The following PATJ variants were observed in gnomAD, a reference collection of about 807,000 sequenced individuals.
The protein encoded by PATJ is PATJ crumbs cell polarity complex component, also known as inaD-like protein.
Under a neutral mutation model 224.9 loss-of-function variants are expected in PATJ, and 190 were observed. The observed-to-expected ratio is 0.84, with a 90% confidence interval of 0.75 to 0.95. PATJ has a LOEUF of 0.95. Ranked by LOEUF, PATJ falls within the 40% of genes least tolerant of loss-of-function variation. The probability of loss-of-function intolerance (pLI) is 0.00; values close to 1 mark genes in which losing one functional copy is unlikely to be tolerated. For missense variants in PATJ, 2,121 were observed against 2,270.3 expected (o/e 0.93, Z 1.34); for synonymous variants, 769 against 820.3 (o/e 0.94, Z 1.07).
intron 28 of PATJ, among the ~76,000 whole-genome samples, chr1:62,011,132 G>A (rs66472440): frequency 0.16 from 24,324 of 152,150 alleles, 2,189 homozygotes; most frequent in Non-Finnish European, 0.21. Flanking sequence ...CAATTAGGCC[G>A]TTTCGCTTTC....
At chr1:62,067,464 C>A (rs1300386143) in intron 31 of PATJ, among the ~76,000 whole-genome samples, 1 of 152,042 alleles carries the variant, frequency 6.6e-6, no homozygotes, top group South Asian at 2.1e-4. Flanking sequence ...ATTACTCTTA[C>A]AAAAGGAGCT....
At chr1:62,129,081 AATT>A (rs148239657) in intron 41 of PATJ, 136 bp downstream of exon 41, 7,497 of 519,750 alleles carry the variant, frequency 0.014, 90 homozygotes, top group Non-Finnish European at 0.021. Flanking sequence ...GAAAGCAAGA[AATT>A]ATTATTTTTA....
chr1:62,065,026 A>G (rs1656174448), intron 31 of PATJ, among the ~76,000 whole-genome samples: 1 of 152,184 alleles, frequency 6.6e-6, no homozygotes, highest in African/African-American at 2.4e-5. Flanking sequence ...GCATTCAAAT[A>G]TGTGGCATTT....
chr1:61,806,447 G>A (rs1299402977), intron 13 of PATJ, among the ~76,000 whole-genome samples: 1 of 151,534 alleles, frequency 6.6e-6, no homozygotes, highest in Non-Finnish European at 1.5e-5. Flanking sequence ...GTGAAACCTC[G>A]TCTCTACTAA....
intron 28 of PATJ, among the ~76,000 whole-genome samples, chr1:62,005,072 G>GT (rs111297460): frequency 0.038 from 5,770 of 151,566 alleles, 288 homozygotes; most frequent in African/African-American, 0.11. Context: ...TTAATACGTA[G>GT]TTTTTTTCAC....
intron 20 of PATJ, among the ~76,000 whole-genome samples, chr1:61,864,882 T>C (rs1175766419): frequency 2.0e-5 from 3 of 152,208 alleles, no homozygotes; most frequent in Non-Finnish European, 4.4e-5. Context: ...TTTGCTTTGC[T>C]TTTTTAGTGA....
rs758466574 is a variant in PATJ, at chr1:62,160,967, CG to C, written c.5563del (p.Glu1855ArgfsTer15). ...RGDQILAVNG[E>X]TLEGVTHEQA... Reference sequence around the variant, plus strand: ...GGGATCAGATTTTAGCTGTTAATGGCGAGACCCTGGAAGGTGTTACTCATGA... The same window carrying C: ...GGGATCAGATTTTAGCTGTTAATGGCAGACCCTGGAAGGTGTTACTCATGA... On this transcript the variant is annotated frameshift_variant, in exon 44 of 44. Coordinates refer to ENST00000642238, the MANE Select transcript of PATJ (RefSeq NM_001350145.3). LOFTEE classifies it high-confidence loss of function. The C allele has an allele frequency of 6.2e-7, 1 of 1,613,558 alleles. No homozygotes were observed. Among genetic ancestry groups the C allele is most frequent in the Non-Finnish European group, 8.5e-7 (1 of 1,179,820 alleles).
At chr1:62,013,386 A>C (rs1646567016) in intron 28 of PATJ, 3 of 985,228 alleles carry the variant, frequency 3.0e-6, no homozygotes, top group Admixed American at 6.2e-5. Context: ...GCCTACTCGC[A>C]GTTGATTAAG....
At chr1:61,743,575 G>A (rs986211139) in intron 1 of PATJ, among the ~76,000 whole-genome samples, 9 of 152,206 alleles carry the variant, frequency 5.9e-5, no homozygotes, top group Non-Finnish European at 1.2e-4. Flanking sequence ...CACTGAGGAT[G>A]ATACTACCAC....
chr1:62,144,201 C>A (rs910325622), intron 41 of PATJ, among the ~76,000 whole-genome samples: 3 of 152,154 alleles, frequency 2.0e-5, no homozygotes, highest in African/African-American at 7.2e-5. Flanking sequence ...GATTCTATAA[C>A]TTGGACATAG....
At chr1:62,102,620 A>T (rs986347054) in intron 33 of PATJ, among the ~76,000 whole-genome samples, 2 of 152,100 alleles carry the variant, frequency 1.3e-5, no homozygotes, top group African/African-American at 4.8e-5. Context: ...TGGGAGGCTG[A>T]GGTGAGAGGA....
At chr1:61,950,975 C>T (rs1393315917) in intron 27 of PATJ, among the ~76,000 whole-genome samples, 2 of 152,126 alleles carry the variant, frequency 1.3e-5, no homozygotes, top group East Asian at 3.9e-4. Flanking sequence ...GGTGAAACCC[C>T]ATCTCTACTA....
At chr1:61,869,000 A>G (rs1257968087) in intron 20 of PATJ, among the ~76,000 whole-genome samples, 1 of 152,040 alleles carries the variant, frequency 6.6e-6, no homozygotes, top group Non-Finnish European at 1.5e-5. Flanking sequence ...CATACGTAAC[A>G]TGGGGAAAGG....
chr1:62,030,694 G>A (rs1388485338), intron 29 of PATJ, among the ~76,000 whole-genome samples: 1 of 152,116 alleles, frequency 6.6e-6, no homozygotes, highest in African/African-American at 2.4e-5. Flanking sequence ...CTTCTCCCAA[G>A]AGCCACCTGC....
rs546565382 is a variant in PATJ, at chr1:61,777,588, T to G, written c.849+2254T>G. On this transcript the variant is annotated intron_variant, in intron 7 of 43. Transcript: ENST00000642238. ...AGGCATTTCTGATTAGATTGTTGAT[T>G]GATATTAACCAATATGATTGTCTTG... 7.9e-5 allele frequency among the ~76,000 whole-genome samples: 12 copies of G among 152,204 alleles called. No homozygotes were observed. In the South Asian group the frequency reaches 2.5e-3, roughly 32 times the overall value.
intron 27 of PATJ, among the ~76,000 whole-genome samples, chr1:61,950,547 C>T (rs1384858000): frequency 6.6e-6 from 1 of 152,100 alleles, no homozygotes; most frequent in Non-Finnish European, 1.5e-5. Flanking sequence ...TTTTTTGTAT[C>T]GTTGTGGACT....
intron 7 of PATJ, among the ~76,000 whole-genome samples, chr1:61,783,832 C>T (rs1254338501): frequency 6.8e-6 from 1 of 148,070 alleles, no homozygotes; most frequent in Non-Finnish European, 1.5e-5. Context: ...ACTGCATCCT[C>T]CACCTCCCAG....
chr1:61,816,848 A>G (rs1404873379), intron 14 of PATJ, among the ~76,000 whole-genome samples: 2 of 152,216 alleles, frequency 1.3e-5, no homozygotes, highest in South Asian at 2.1e-4. Context: ...TGCAGGTGGC[A>G]TATCAGAAAC....
chr1:61,901,407 A>G lies in PATJ; in HGVS notation c.3329A>G (p.Asp1110Gly), dbSNP rs2149164578. 6.3e-7 allele frequency: 1 copy of G among 1,586,198 alleles called. No individual in the cohort carries two copies. Among genetic ancestry groups the G allele is most frequent in the African/African-American group, 1.4e-5 (1 of 73,084 alleles). Residue 1110 changes from aspartate (D) to glycine (G), a missense_variant, in exon 24 of 44, where the codon GAC (aspartate) becomes GGC (glycine). Transcript: ENST00000642238. ...KGIFIKQVLEDSPAGKTNALK... is the reference protein window; with the variant it reads ...KGIFIKQVLEGSPAGKTNALK... ...ATATTCATCAAACAAGTTTTAGAAG[A>G]CAGTCCAGCAGGGAAGACGAACGCA...
Sources: gnomAD v4.1 joint callset for allele counts (sites outside exome capture counted in the v4.1 genomes callset) on GRCh38, gnomAD v4.1.1 for gene constraint, MANE v1.5 for transcripts, NCBI Gene and HGNC (gene_info 2026-07-23, HGNC 2026-07-21) for gene names.